PBX4: variants seen among roughly 807,000 people sequenced by gnomAD.
PBX4 encodes PBX homeobox 4.
Under a neutral mutation model 35.1 loss-of-function variants are expected in PBX4, and 26 were observed. The ratio of observed to expected loss-of-function variants is 0.74; its 90% confidence interval spans 0.54 to 1.03. The LOEUF (loss-of-function observed/expected upper bound fraction) is 1.03. Among genes scored for constraint, PBX4 ranks in the 50% least tolerant of loss-of-function variants. The pLI, the probability that PBX4 is intolerant of heterozygous loss-of-function variation, is 0.00. For synonymous variants in PBX4, 199 were observed against 204.2 expected, an observed-to-expected ratio of 0.97 and a Z score of 0.22; for missense variants, 448 against 504.3, an observed-to-expected ratio of 0.89 and a Z score of 1.07.
At chr19:19,594,788 GT>G (rs2061551422) in intron 2 of PBX4, among the ~76,000 whole-genome samples, 1 of 151,996 alleles carries the variant, frequency 6.6e-6, no homozygotes, top group Admixed American at 6.6e-5. Flanking sequence ...GTGGCGCAAT[GT>G]CATCTCACTG....
chr19:19,607,209 A>T (rs1275398044), intron 1 of PBX4, among the ~76,000 whole-genome samples: 1 of 151,760 alleles, frequency 6.6e-6, no homozygotes, highest in Non-Finnish European at 1.5e-5. Context: ...ATACGCCACC[A>T]CTCCTGGCTA....
intron 2 of PBX4, among the ~76,000 whole-genome samples, chr19:19,574,904 C>T (rs1198199287): frequency 1.3e-5 from 2 of 152,108 alleles, no homozygotes; most frequent in South Asian, 2.1e-4. Flanking sequence ...AGGCTGGTCT[C>T]GAACTCCTAA....
At position 19,570,837 on chromosome 19, in the gene PBX4, G is replaced by A; in HGVS notation, c.194-4C>T. 1 of 1,612,844 alleles carries A rather than the reference G, an allele frequency of 6.2e-7. No homozygotes were observed. Among genetic ancestry groups the A allele is most frequent in the African/African-American group, 1.3e-5 (1 of 75,006 alleles). The stretch of plus-strand genomic sequence containing the variant: ...TGAATGCCACGGATGCTTACCACTA[G>A]ATAAGAGAGACCGGGACAAGTCACA... On this transcript the variant is annotated splice_region_variant and splice_polypyrimidine_tract_variant and intron_variant, in intron 2 of 7. Transcript: ENST00000251203.
intron 1 of PBX4, among the ~76,000 whole-genome samples, chr19:19,613,477 A>C (rs2061673701): frequency 6.8e-6 from 1 of 147,420 alleles, no homozygotes; most frequent in South Asian, 2.1e-4. Context: ...AAAAAAAGTA[A>C]CTGGCTGCAT....
chr19:19,605,625 CATAA>C (rs545669918), intron 1 of PBX4, among the ~76,000 whole-genome samples: 1 of 150,830 alleles, frequency 6.6e-6, no homozygotes, highest in Non-Finnish European at 1.5e-5. Flanking sequence ...GACCCTGTCT[CATAA>C]ATAAATAAAT....
At chr19:19,567,668 T>C (rs1409168476) in intron 5 of PBX4, among the ~76,000 whole-genome samples, 8 of 152,280 alleles carry the variant, frequency 5.3e-5, no homozygotes, top group Non-Finnish European at 1.2e-4. Flanking sequence ...ACTGTTTCCA[T>C]GTTAAAACCT....
At chr19:19,614,867 T>C (rs1233683240) in intron 1 of PBX4, among the ~76,000 whole-genome samples, 3 of 151,034 alleles carry the variant, frequency 2.0e-5, no homozygotes, top group Non-Finnish European at 4.4e-5. Context: ...CCTAAAAAAA[T>C]AGAAAGATTA....
intron 2 of PBX4, among the ~76,000 whole-genome samples, chr19:19,589,220 A>C (rs1234477874): frequency 1.3e-5 from 2 of 152,084 alleles, no homozygotes; most frequent in Admixed American, 1.3e-4. Context: ...CGAGGTCAGG[A>C]GATCGAGACC....
intron 2 of PBX4, 34 bp downstream of exon 2, chr19:19,599,258 C>T (rs773609253): frequency 5.1e-6 from 8 of 1,576,516 alleles, no homozygotes; most frequent in Middle Eastern, 1.9e-4. Flanking sequence ...TGAGCCACCA[C>T]GCTCGGCCAG....
intron 2 of PBX4, among the ~76,000 whole-genome samples, chr19:19,576,063 G>A (rs1050269632): frequency 6.6e-6 from 1 of 151,620 alleles, no homozygotes; most frequent in East Asian, 2.0e-4. Flanking sequence ...CAGGGCTGCC[G>A]CAGAATATGT....
chr19:19,588,962 C>T (rs1448222129), intron 2 of PBX4, among the ~76,000 whole-genome samples: 1 of 151,496 alleles, frequency 6.6e-6, no homozygotes, highest in East Asian at 2.0e-4. Flanking sequence ...ACAGCAAGAT[C>T]CCATCTCCAC....
chr19:19,601,610 G>A (rs1298212139), intron 1 of PBX4, among the ~76,000 whole-genome samples: 1 of 152,192 alleles, frequency 6.6e-6, no homozygotes, highest in Middle Eastern at 3.2e-3. Context: ...ATCTGGGGGG[G>A]CCTACTGTCA....
At chr19:19,576,414 C>T (rs888663323) in intron 2 of PBX4, among the ~76,000 whole-genome samples, 9 of 151,870 alleles carry the variant, frequency 5.9e-5, no homozygotes, top group Non-Finnish European at 1.0e-4. Context: ...TTAGTAGAGA[C>T]GGGGTTTCAC....
intron 4 of PBX4, 36 bp downstream of exon 4, chr19:19,570,073 C>T (rs374172953): frequency 1.6e-5 from 24 of 1,539,756 alleles, no homozygotes; most frequent in Middle Eastern, 2.4e-4. Context: ...CCCTCAGAGC[C>T]GGCCCTTGAG....
intron 2 of PBX4, among the ~76,000 whole-genome samples, chr19:19,576,931 T>C (rs1568383344): frequency 6.6e-6 from 1 of 152,054 alleles, no homozygotes; most frequent in Non-Finnish European, 1.5e-5. Context: ...TTTAAAAAAA[T>C]ATACCAAAAC....
In PBX4 at chr19:19,563,671, C is replaced by A; in HGVS notation, c.926-56G>T. On this transcript the variant is annotated intron_variant, in intron 6 of 7. Coordinates refer to ENST00000251203, the MANE Select transcript of PBX4 (RefSeq NM_025245.3). This position sits in a 1 kb window ranked among gnomAD's most constrained non-coding sequence, Gnocchi z 5.1. ...GTCGTGGCGCCTCCTCAGGTGGAAC[C>A]CACCCAGCCCCTCAGCCGGCAGGAG... 7.0e-7 allele frequency: 1 copy of A among 1,418,970 alleles called. No homozygotes were observed. Among genetic ancestry groups the A allele is most frequent in the South Asian group, 1.2e-5 (1 of 81,100 alleles). The allele number at this position is 1,418,970 out of a possible 1,614,324, so 87.9% of individuals were successfully genotyped here. A position where few individuals can be genotyped will look rare whatever the true frequency, so the allele number is the denominator to read the frequency against.
rs1344345485 is a variant in PBX4, at chr19:19,573,330, T to TATACAC, written c.194-2498_194-2497insGTGTAT. ...CCAAAAAAAAGAAAAAAAAAAAATATACACACACACACACACACACACACA... is the reference window on the plus strand; with the variant it reads ...CCAAAAAAAAGAAAAAAAAAAAATATATACACACACACACACACACACACACACACA... On this transcript the variant is annotated intron_variant, in intron 2 of 7. Transcript: ENST00000251203. 7.4e-3 allele frequency among the ~76,000 whole-genome samples: 992 copies of TATACAC among 133,330 alleles called. 19 individuals carry two copies. The highest frequency in any genetic ancestry group is 0.04 in the Admixed American group (518 of 12,796). The allele number at this position is 133,330 out of a possible 152,430, so 87.5% of individuals were successfully genotyped here.
At chr19:19,616,607 G>A (rs1029733091) in intron 1 of PBX4, among the ~76,000 whole-genome samples, 3 of 151,984 alleles carry the variant, frequency 2.0e-5, no homozygotes, top group Admixed American at 6.6e-5. Context: ...GTCAGCCACT[G>A]TGCCTGGCTG....
At chr19:19,593,602 C>G (rs978342126) in intron 2 of PBX4, among the ~76,000 whole-genome samples, 2 of 152,178 alleles carry the variant, frequency 1.3e-5, no homozygotes. Flanking sequence ...TAAAAAGATA[C>G]CTGGACACTC....
Sources: gnomAD v4.1 joint callset for allele counts (sites outside exome capture counted in the v4.1 genomes callset) on GRCh38, gnomAD v4.1.1 for gene constraint, Gnocchi (gnomAD v3.1) non-coding constraint, MANE v1.5 for transcripts, NCBI Gene and HGNC (gene_info 2026-07-23, HGNC 2026-07-21) for gene names.